The following GLRX3 variants were observed in gnomAD, a reference collection of about 807,000 sequenced individuals.
The protein encoded by GLRX3 is glutaredoxin 3.
Under a neutral mutation model 49.5 loss-of-function variants are expected in GLRX3, and 22 were observed. The ratio of observed to expected loss-of-function variants is 0.44; its 90% CI spans 0.32 to 0.63. The LOEUF (loss-of-function observed/expected upper bound fraction) is 0.63, where lower values mean the gene tolerates loss of function less well. GLRX3 is among the 30% of genes least tolerant of loss of function. The pLI is 0.05. For synonymous variants in GLRX3, 133 were observed against 140.0 expected (o/e 0.95, Z 0.35); for missense variants, 385 against 396.3 (o/e 0.97, Z 0.24).
At chr10:130,140,474 TAGG>T (rs1232362371) in intron 1 of GLRX3, among the ~76,000 whole-genome samples, 2 of 152,240 alleles carry the variant, frequency 1.3e-5, no homozygotes, top group East Asian at 3.8e-4. Flanking sequence ...AAGCATTAAA[TAGG>T]AGAATATTGT....
intron 10 of GLRX3, among the ~76,000 whole-genome samples, chr10:130,178,145 A>G (rs1041208305): frequency 1.3e-4 from 20 of 152,292 alleles, no homozygotes; most frequent in Non-Finnish European, 2.9e-4. Flanking sequence ...ATGTGTTGCC[A>G]GGTTGGGTTT....
chr10:130,148,913 A>G (rs1862319183), intron 2 of GLRX3, among the ~76,000 whole-genome samples: 1 of 151,992 alleles, frequency 6.6e-6, no homozygotes. Context: ...ATAAAAATTT[A>G]AAAAACTAGC....
At chr10:130,167,793 C>T (rs187325774) in intron 6 of GLRX3, among the ~76,000 whole-genome samples, 15 of 152,206 alleles carry the variant, frequency 9.9e-5, no homozygotes, top group Admixed American at 3.9e-4. Context: ...CTATAAACAG[C>T]GTCCAATCCA....
At chr10:130,177,829 A>G (rs1394231739) in intron 10 of GLRX3, among the ~76,000 whole-genome samples, 2 of 152,348 alleles carry the variant, frequency 1.3e-5, no homozygotes, top group Middle Eastern at 3.4e-3. Context: ...AGGAGGTCAT[A>G]CGGATTTTAA....
At chr10:130,139,272 A>G (rs558265379) in intron 1 of GLRX3, among the ~76,000 whole-genome samples, 1 of 152,224 alleles carries the variant, frequency 6.6e-6, no homozygotes, top group South Asian at 2.1e-4. Context: ...GTTCAAACGG[A>G]CACGTGATAA....
At chr10:130,142,513 T>C (rs1012668504) in intron 1 of GLRX3, among the ~76,000 whole-genome samples, 17 of 152,154 alleles carry the variant, frequency 1.1e-4, no homozygotes, top group African/African-American at 4.1e-4. Context: ...TCCCTCTCCA[T>C]TTGCACTATC....
chr10:130,167,564 G>A (rs560215747), intron 6 of GLRX3, among the ~76,000 whole-genome samples: 36 of 152,178 alleles, frequency 2.4e-4, no homozygotes, highest in Admixed American at 7.9e-4. Context: ...GGACTTTGGT[G>A]TGTAAGGCAA....
At chr10:130,150,901 A>G (rs1301556574) in intron 2 of GLRX3, among the ~76,000 whole-genome samples, 2 of 151,622 alleles carry the variant, frequency 1.3e-5, no homozygotes, top group Non-Finnish European at 2.9e-5. Flanking sequence ...AACTCTAAAA[A>G]TGCGTCTCAG....
intron 7 of GLRX3, among the ~76,000 whole-genome samples, chr10:130,171,342 C>G (rs913150821): frequency 2.6e-5 from 4 of 151,968 alleles, no homozygotes; most frequent in African/African-American, 9.7e-5. Context: ...ACTGTTGGAA[C>G]ACATGTCATC....
intron 2 of GLRX3, among the ~76,000 whole-genome samples, chr10:130,155,221 G>A (rs1027923668): frequency 6.6e-6 from 1 of 152,210 alleles, no homozygotes; most frequent in African/African-American, 2.4e-5. Flanking sequence ...AAAGCAAAAG[G>A]CTAGTGGGGC....
At chr10:130,160,641 G>A (rs1434964108) in intron 3 of GLRX3, among the ~76,000 whole-genome samples, 155 bp from the exon 4 acceptor site, 1 of 152,136 alleles carries the variant, frequency 6.6e-6, no homozygotes, top group East Asian at 1.9e-4. Context: ...AAAAAATTAT[G>A]TATTTCTAAA....
chr10:130,140,786 A>C (rs1469249786), intron 1 of GLRX3, among the ~76,000 whole-genome samples: 1 of 152,198 alleles, frequency 6.6e-6, no homozygotes, highest in East Asian at 1.9e-4. Flanking sequence ...AAGTTCTTTG[A>C]AAATTTGATT....
At chr10:130,151,732 G>A (rs10764929) in intron 2 of GLRX3, among the ~76,000 whole-genome samples, 120,052 of 152,154 alleles carry the variant, frequency 0.79, 47,779 homozygotes, top group African/African-American at 0.87. Flanking sequence ...ATTATATTCC[G>A]TGATGTATAT....
chr10:130,169,509 GT>G lies in GLRX3; in HGVS notation c.771+23del. On this transcript the variant is annotated intron_variant, in intron 7 of 10. Coordinates refer to ENST00000331244, the MANE Select transcript of GLRX3 (RefSeq NM_006541.5). ...CAAACAGGTAAAGAACTCAAAAATG[GT>G]TTTATTTGTAATTTCTTTTGATGTT... is the stretch of plus-strand genomic sequence containing the variant. The G allele has an allele frequency of 6.6e-7, 1 of 1,519,596 alleles. No individual in the cohort carries two copies. Among genetic ancestry groups the G allele is most frequent in the Non-Finnish European group, 9.1e-7 (1 of 1,093,994 alleles). The allele number at this position is 1,519,596 out of a possible 1,614,324, so 94.1% of individuals were successfully genotyped here. A position where few individuals can be genotyped will look rare whatever the true frequency, so the allele number is the denominator to read the frequency against.
At chr10:130,139,365 C>A (rs904448569) in intron 1 of GLRX3, among the ~76,000 whole-genome samples, 1 of 148,368 alleles carries the variant, frequency 6.7e-6, no homozygotes, top group African/African-American at 2.5e-5. Flanking sequence ...TTAGGCCGGG[C>A]GCGGTGGCTC....
chr10:130,149,170 G>T (rs1022219678), intron 2 of GLRX3, among the ~76,000 whole-genome samples: 1 of 152,102 alleles, frequency 6.6e-6, no homozygotes. Flanking sequence ...TCTGGGCTCC[G>T]TCCTGAGTTT....
chr10:130,136,404 T>A lies in GLRX3; in HGVS notation c.-17T>A. 8.0e-7 allele frequency: 1 copy of A among 1,250,074 alleles called. No individual in the cohort carries two copies. The allele number at this position is 1,250,074 out of a possible 1,614,324, so 77.4% of individuals were successfully genotyped here. On this transcript the variant is annotated 5_prime_UTR_variant, in exon 1 of 11. Coordinates refer to ENST00000331244, the MANE Select transcript of GLRX3 (RefSeq NM_006541.5). The stretch of plus-strand genomic sequence containing the variant: ...CCGGCCGCCGGCACTGGATTGCTTC[T>A]GTCTGGCGGCGGCAGCATGGCGGCG...
At chr10:130,140,909 T>C (rs1404373111) in intron 1 of GLRX3, among the ~76,000 whole-genome samples, 1 of 152,238 alleles carries the variant, frequency 6.6e-6, no homozygotes, top group Non-Finnish European at 1.5e-5. Context: ...AGAAAATCTT[T>C]GTCTCTTAAT....
At chr10:130,160,481 T>A (rs1862553342) in intron 3 of GLRX3, among the ~76,000 whole-genome samples, 1 of 152,202 alleles carries the variant, frequency 6.6e-6, no homozygotes, top group South Asian at 2.1e-4. Context: ...CACCCATGGG[T>A]GTCATCGTAG....
Sources: allele counts gnomAD v4.1 joint callset (sites outside exome capture counted in the v4.1 genomes callset), GRCh38; gene constraint gnomAD v4.1.1; transcripts MANE v1.5; gene names NCBI Gene and HGNC (gene_info 2026-07-23, HGNC 2026-07-21).